S100A5: variants seen among roughly 807,000 people sequenced by gnomAD.
The protein encoded by S100A5 is protein S100-A5.
S100A5 carries 5 observed loss-of-function variants against 6.7 expected under a neutral mutation model. That is an observed-to-expected ratio of 0.75 (90% CI 0.39 to 1.57). S100A5 has a LOEUF of 1.57. Among genes scored for constraint, S100A5 ranks in the 40% most tolerant of loss-of-function variants. The probability of loss-of-function intolerance (pLI) is 0.03; values close to 1 mark genes in which losing one functional copy is unlikely to be tolerated. For missense variants in S100A5, 129 were observed against 110.8 expected (o/e 1.16, Z -0.74); for synonymous variants, 49 against 44.9 (o/e 1.09, Z -0.37).
chr1:153,539,499 G>A (rs1316972567), intron 2 of S100A5, among the ~76,000 whole-genome samples: 1 of 135,856 alleles, frequency 7.4e-6, no homozygotes. Context: ...TTATCCTCGG[G>A]GATATTGTAT....
Position 153,540,109 on chromosome 1 carries a change from G to A in S100A5, c.83C>T (p.Thr28Ile), listed in dbSNP as rs1364609196. 2 of 1,614,138 alleles carry A rather than the reference G, an allele frequency of 1.2e-6. No individual in the cohort carries two copies. The highest frequency in any genetic ancestry group is 1.7e-6 in the Non-Finnish European group (2 of 1,180,026). ...CTCCTTGAGTTCCTTCCTACTCAGG[G>A]TCAGTTTGCTACCCTCTCTCCCCGA... ...KYSGREGSKL[T>I]LSRKELKELI... is the part of the protein sequence containing the mutation. Residue 28 changes from threonine to isoleucine, a missense_variant, in exon 2 of 3, where the codon ACC (threonine) becomes ATC (isoleucine). By Grantham distance (89) the Thr-to-Ile change is moderately conservative. Coordinates refer to ENST00000368717, the MANE Select transcript of S100A5 (RefSeq NM_001394232.1).
At chr1:153,540,943 A>G (rs1252625176), upstream of S100A5, among the ~76,000 whole-genome samples, 1 of 152,214 alleles carries the variant, frequency 6.6e-6, no homozygotes. Flanking sequence ...ATGGAGCTCA[A>G]GTGACTCAGA....
upstream of S100A5, among the ~76,000 whole-genome samples, chr1:153,542,836 A>C (rs768131143): frequency 2.0e-5 from 3 of 151,972 alleles, no homozygotes; most frequent in Non-Finnish European, 4.4e-5. Context: ...TTGTCTCCAA[A>C]ACTATGGTCA....
At chr1:153,543,285 T>C (rs1174597842), upstream of S100A5, 4 of 985,326 alleles carry the variant, frequency 4.1e-6, no homozygotes, top group Non-Finnish European at 4.8e-6. Flanking sequence ...CAGGAACAGA[T>C]ATGACCTTCA....
Position 153,537,253 on chromosome 1 carries a change from T to G in S100A5, c.*43A>C. ...GGGTCTGTGAGAGGAGCAGCCGAGG[T>G]CAGCAGCAAAGGGTGGAGGGTGAGG... On this transcript the variant is annotated 3_prime_UTR_variant, in exon 3 of 3. Transcript: ENST00000368717. The G allele has an allele frequency of 6.3e-7, 1 of 1,593,878 alleles. No individual in the cohort carries two copies. Among genetic ancestry groups the G allele is most frequent in the Non-Finnish European group, 8.6e-7 (1 of 1,164,716 alleles).
At chr1:153,541,377 G>A, upstream of S100A5, 2 of 1,367,300 alleles carry the variant, frequency 1.5e-6, no homozygotes, top group African/African-American at 2.9e-5. Context: ...TAGGAAGGAA[G>A]GACTTACCAC....
At chr1:153,539,443 A>T (rs1355602915) in intron 2 of S100A5, among the ~76,000 whole-genome samples, 1 of 112,754 alleles carries the variant, frequency 8.9e-6, no homozygotes, top group Non-Finnish European at 1.7e-5. Context: ...AAAAAAAAAA[A>T]AAAAAAAATA....
At chr1:153,538,928 AG>A (rs777124173) in intron 2 of S100A5, among the ~76,000 whole-genome samples, 8 of 152,158 alleles carry the variant, frequency 5.3e-5, no homozygotes, top group Non-Finnish European at 8.8e-5. Flanking sequence ...CAGGAGTTCA[AG>A]AACAGCCTGG....
chr1:153,539,906 C>T (rs910292124), intron 2 of S100A5, 148 bp downstream of exon 2: 158 of 921,870 alleles, frequency 1.7e-4, no homozygotes, highest in South Asian at 1.0e-3. Context: ...TTTGCTGGCC[C>T]GAAATCCCCA....
At chr1:153,541,510 G>A (rs1665387879), upstream of S100A5, 1 of 1,353,040 alleles carries the variant, frequency 7.4e-7, no homozygotes. Flanking sequence ...ATGAGAAGTT[G>A]TTGGGGACTT....
rs758606702 is a variant in S100A5 at position 153,540,254 on chromosome 1, C to T, written c.-14-49G>A. The T allele has an allele frequency of 1.3e-6, 2 of 1,595,402 alleles. 1 individual carries two copies. Among genetic ancestry groups the T allele is most frequent in the South Asian group, 2.2e-5 (2 of 89,910 alleles). On this transcript the variant is annotated intron_variant, in intron 1 of 2. Transcript: ENST00000368717. ...CCATTCCTCAGGAAGTCACCACCAG[C>T]AGCACTAGCCTACCTCTGAGGCCCC...
chr1:153,539,532 C>T (rs1450510852), intron 2 of S100A5, among the ~76,000 whole-genome samples: 1 of 147,104 alleles, frequency 6.8e-6, no homozygotes, highest in Non-Finnish European at 1.5e-5. Flanking sequence ...ATGGGCCTTC[C>T]CCTCTGTCAG....
chr1:153,541,747 A>G, upstream of S100A5: 2 of 1,128,542 alleles, frequency 1.8e-6, no homozygotes, highest in Non-Finnish European at 2.2e-6. Flanking sequence ...CCTGGAAAGA[A>G]AACCTCAGAA....
At chr1:153,542,016 T>A, upstream of S100A5, 4 of 493,342 alleles carry the variant, frequency 8.1e-6, no homozygotes, top group Non-Finnish European at 1.1e-5. Context: ...CGTCGGAGAC[T>A]CTTGGCATGG....
At chr1:153,538,609 A>T (rs1313513710) in intron 2 of S100A5, among the ~76,000 whole-genome samples, 1 of 152,102 alleles carries the variant, frequency 6.6e-6, no homozygotes, top group African/African-American at 2.4e-5. Flanking sequence ...GGGGACGCCC[A>T]TACCTGCTTC....
chr1:153,537,534 G>T, intron 2 of S100A5, 98 bp from the exon 3 acceptor site: 1 of 1,466,736 alleles, frequency 6.8e-7, no homozygotes. Flanking sequence ...ACTTCAGGGT[G>T]AGCCCCAGCT....
upstream of S100A5, chr1:153,541,804 C>T: frequency 9.4e-7 from 1 of 1,058,292 alleles, no homozygotes; most frequent in Non-Finnish European, 1.1e-6. Context: ...CTAGGAAGCT[C>T]TCCACATCGG....
chr1:153,543,327 G>A, upstream of S100A5: 1 of 982,524 alleles, frequency 1.0e-6, no homozygotes, highest in East Asian at 1.1e-4. Flanking sequence ...CCTGCCAGAG[G>A]CAAGGTTGGA....
upstream of S100A5, chr1:153,543,591 G>C: frequency 2.8e-6 from 2 of 706,662 alleles, no homozygotes; most frequent in South Asian, 1.9e-5. Flanking sequence ...CCCAACCCAC[G>C]CCCCCAGAGT....
Sources: gnomAD v4.1 joint callset for allele counts (sites outside exome capture counted in the v4.1 genomes callset) on GRCh38, gnomAD v4.1.1 for gene constraint, MANE v1.5 for transcripts, NCBI Gene and HGNC (gene_info 2026-07-23, HGNC 2026-07-21) for gene names.